The following KAZN variants were observed in gnomAD, a reference collection of about 807,000 sequenced individuals.
KAZN encodes kazrin.
In KAZN, 40 loss-of-function variants were observed where a neutral mutation model predicts 87.4. The observed-to-expected ratio is 0.46, with a 90% CI of 0.36 to 0.60. KAZN has a LOEUF of 0.60. Among genes scored for constraint, KAZN ranks in the 20% least tolerant of loss-of-function variants. KAZN has a pLI of 0.00. For missense variants in KAZN, 898 were observed against 1,073.9 expected (o/e 0.84, Z 2.29); for synonymous variants, 466 against 458.3 (o/e 1.02, Z -0.22).
chr1:13,999,381 A>G (rs992853623), intron 1 of KAZN, among the ~76,000 whole-genome samples: 27 of 151,008 alleles, frequency 1.8e-4, no homozygotes, highest in African/African-American at 6.6e-4. Context: ...AAACAAAAAA[A>G]CAAACAAAAA....
intron 1 of KAZN, among the ~76,000 whole-genome samples, chr1:13,937,280 G>T (rs1640777265): frequency 6.6e-6 from 1 of 152,114 alleles, no homozygotes; most frequent in Non-Finnish European, 1.5e-5. Flanking sequence ...TCCCGACCTC[G>T]TGATCCGCCT....
At position 14,781,097 on chromosome 1, in the gene KAZN, T is replaced by A. The variant is rs3895159; in HGVS notation, c.227-179587T>A. 8.3e-3 allele frequency among the ~76,000 whole-genome samples: 1,257 copies of A among 151,560 alleles called. 33 individuals carry two copies. The East Asian group carries it at 0.11, about 13-fold the overall frequency. Reference sequence around the variant, plus strand: ...CAGCACTTTGGGAGGCCGAGGCAGGTGGATCACGAGGTCAGGAGATCGAGA... The same window carrying A: ...CAGCACTTTGGGAGGCCGAGGCAGGAGGATCACGAGGTCAGGAGATCGAGA... On this transcript the variant is annotated intron_variant, in intron 1 of 14. Coordinates refer to ENST00000376030, the MANE Select transcript of KAZN (RefSeq NM_201628.3).
At chr1:14,931,071 C>T (rs1013219303) in intron 1 of KAZN, among the ~76,000 whole-genome samples, 4 of 152,172 alleles carry the variant, frequency 2.6e-5, no homozygotes, top group South Asian at 2.1e-4. Flanking sequence ...AACTGAGGCC[C>T]GAGGCTGGGA....
chr1:14,541,484 G>A (rs1193343843), intron 2 of KAZN, among the ~76,000 whole-genome samples: 1 of 152,200 alleles, frequency 6.6e-6, no homozygotes, highest in Non-Finnish European at 1.5e-5. Context: ...CAGAGAGGCA[G>A]TGTGGAAAGG....
intron 2 of KAZN, among the ~76,000 whole-genome samples, chr1:14,513,904 T>TC (rs1671054023): frequency 6.7e-6 from 1 of 149,922 alleles, no homozygotes; most frequent in South Asian, 2.1e-4. Flanking sequence ...CTTTAATTTC[T>TC]AAAAAAAAAA....
intron 2 of KAZN, among the ~76,000 whole-genome samples, chr1:14,185,191 A>G (rs1646278021): frequency 6.6e-6 from 1 of 152,124 alleles, no homozygotes; most frequent in African/African-American, 2.4e-5. Flanking sequence ...GGGATGTAAC[A>G]CCATGATGGA....
intron 1 of KAZN, among the ~76,000 whole-genome samples, chr1:14,053,983 G>A (rs934605442): frequency 1.3e-5 from 2 of 152,158 alleles, no homozygotes; most frequent in African/African-American, 4.8e-5. Flanking sequence ...TTATTAAGTG[G>A]AAGTGAATCA....
chr1:14,429,056 T>C (rs1422558907), intron 2 of KAZN, among the ~76,000 whole-genome samples: 2 of 152,182 alleles, frequency 1.3e-5, no homozygotes, highest in African/African-American at 2.4e-5. Context: ...TAGGTCCTTA[T>C]TGATCTTTGG....
intron 1 of KAZN, among the ~76,000 whole-genome samples, chr1:14,920,526 G>C (rs1012560029): frequency 3.9e-5 from 6 of 152,032 alleles, no homozygotes; most frequent in Non-Finnish European, 8.8e-5. Context: ...ACGGAGGCTG[G>C]ACACAGTGTG....
chr1:14,022,555 G>A (rs1640893519), intron 1 of KAZN, among the ~76,000 whole-genome samples: 1 of 148,334 alleles, frequency 6.7e-6, no homozygotes, highest in Non-Finnish European at 1.5e-5. Context: ...AACAAAAACT[G>A]TGGATTTTAT....
At position 15,060,222 on chromosome 1, in the gene KAZN, G is replaced by T; in HGVS notation, c.967G>T (p.Ala323Ser). Residue 323 changes from alanine to serine, a missense_variant, in exon 6 of 15, where the codon GCA (alanine) becomes TCA (serine). This residue lies in a region of KAZN where 521 missense variants were observed against 689.4 expected (regional missense o/e 0.76). Transcript: ENST00000376030. ...HSRQPSVISD[A>S]SAAEGDRSST... Reference sequence around the variant, plus strand: ...CCGGCAGCCCTCTGTCATCTCCGACGCATCTGCCGCCGAAGGCGACCGGTC... The same window carrying T: ...CCGGCAGCCCTCTGTCATCTCCGACTCATCTGCCGCCGAAGGCGACCGGTC... The T allele has an allele frequency of 1.2e-6, 2 of 1,614,246 alleles. No individual in the cohort carries two copies. The highest frequency in any genetic ancestry group is 1.1e-5 in the South Asian group (1 of 91,088).
chr1:14,783,634 C>G (rs1645420119), intron 1 of KAZN, among the ~76,000 whole-genome samples: 1 of 152,196 alleles, frequency 6.6e-6, no homozygotes, highest in Non-Finnish European at 1.5e-5. Flanking sequence ...TGCTGTCGAT[C>G]TTAGCCATCT....
intron 1 of KAZN, among the ~76,000 whole-genome samples, chr1:14,852,434 G>C (rs990816329): frequency 3.9e-5 from 6 of 152,222 alleles, no homozygotes; most frequent in African/African-American, 1.4e-4. Context: ...AGGAGGAACC[G>C]GAGCCAAATC....
chr1:14,359,969 T>G (rs1659368784), intron 2 of KAZN, among the ~76,000 whole-genome samples: 1 of 152,180 alleles, frequency 6.6e-6, no homozygotes, highest in Non-Finnish European at 1.5e-5. Context: ...TTTCCTGAAT[T>G]TGGATGTTGG....
At chr1:14,376,485 T>G (rs981034494) in intron 2 of KAZN, among the ~76,000 whole-genome samples, 3 of 152,192 alleles carry the variant, frequency 2.0e-5, no homozygotes, top group South Asian at 2.1e-4. Context: ...TCACTCTCTC[T>G]TGCTCTTCTA....
At chr1:14,548,733 T>C (rs1418023929) in intron 2 of KAZN, among the ~76,000 whole-genome samples, 1 of 152,174 alleles carries the variant, frequency 6.6e-6, no homozygotes, top group Non-Finnish European at 1.5e-5. Context: ...AGTTTACTTA[T>C]ATTCTCTTGC....
intron 1 of KAZN, among the ~76,000 whole-genome samples, chr1:13,996,822 A>G (rs765532964): frequency 1.8e-4 from 27 of 151,962 alleles, no homozygotes; most frequent in Non-Finnish European, 2.6e-4. Context: ...TTTCCCCCCA[A>G]GCGAAGCACA....
At chr1:15,070,013 G>A (rs1639435376) in intron 8 of KAZN, among the ~76,000 whole-genome samples, 1 of 152,228 alleles carries the variant, frequency 6.6e-6, no homozygotes, top group African/African-American at 2.4e-5. Flanking sequence ...CCAACAGCCT[G>A]TCATTGATGA....
chr1:14,258,390 A>ATTTTTTTTTTT (rs760768355), intron 2 of KAZN, among the ~76,000 whole-genome samples: 11 of 125,516 alleles, frequency 8.8e-5, no homozygotes, highest in African/African-American at 2.5e-4. Flanking sequence ...TAAATTTTGT[A>ATTTTTTTTTTT]TTTTTTTTTT....
Sources: gnomAD v4.1 joint callset for allele counts (sites outside exome capture counted in the v4.1 genomes callset) on GRCh38, gnomAD v4.1.1 for gene constraint, gnomAD v4.1.1 regional missense constraint, MANE v1.5 for transcripts, NCBI Gene and HGNC (gene_info 2026-07-23, HGNC 2026-07-21) for gene names.